TOX: variants seen among roughly 807,000 people sequenced by gnomAD.
TOX encodes the protein thymocyte selection-associated high mobility group box protein TOX.
In TOX, 11 loss-of-function variants were observed where a neutral mutation model predicts 53.7. The observed-to-expected ratio is 0.20, with a 90% CI of 0.13 to 0.34. The LOEUF is 0.34. TOX is among the 10% of genes least tolerant of loss of function. The pLI is 1.00. For missense variants in TOX, 570 were observed against 664.6 expected (o/e 0.86, Z 1.56); for synonymous variants, 225 against 245.3 (o/e 0.92, Z 0.77).
At chr8:58,869,881 TG>T (rs1315539738) in intron 3 of TOX, among the ~76,000 whole-genome samples, 2 of 150,934 alleles carry the variant, frequency 1.3e-5, no homozygotes, top group Admixed American at 1.3e-4. Flanking sequence ...ACACCATGCA[TG>T]AAAAAAAAAA....
rs1296154688 is a variant in TOX at position 59,080,800 on chromosome 8, T to C, written c.102+38086A>G. Among the ~76,000 whole-genome samples, 7 of 152,248 alleles carry C rather than the reference T, an allele frequency of 4.6e-5. No homozygotes were observed. In the East Asian group the frequency reaches 1.4e-3, roughly 29 times the overall value. On this transcript the variant is annotated intron_variant, in intron 1 of 8. Transcript: ENST00000361421. ...ACCATTTTGCCCTCCACCATGATTG[T>C]AAGCTTCCTGAGGTCCCTACCAGGC...
At chr8:59,044,972 G>A (rs1803658547) in intron 1 of TOX, among the ~76,000 whole-genome samples, 1 of 152,230 alleles carries the variant, frequency 6.6e-6, no homozygotes, top group Admixed American at 6.5e-5. Context: ...TTAGGGCACT[G>A]AGGCTATCAT....
intron 1 of TOX, among the ~76,000 whole-genome samples, chr8:58,995,260 T>G (rs1245903117): frequency 6.6e-6 from 1 of 152,212 alleles, no homozygotes; most frequent in African/African-American, 2.4e-5. Context: ...GGTTTTTTTG[T>G]TTTGTATTTC....
chr8:58,850,240 A>G (rs1336229290), intron 4 of TOX, among the ~76,000 whole-genome samples: 1 of 152,140 alleles, frequency 6.6e-6, no homozygotes, highest in Non-Finnish European at 1.5e-5. Flanking sequence ...GGAAATGATG[A>G]TTGTGAGGAA....
chr8:59,077,790 C>G (rs1804317728), intron 1 of TOX, among the ~76,000 whole-genome samples: 1 of 152,034 alleles, frequency 6.6e-6, no homozygotes, highest in African/African-American at 2.4e-5. Flanking sequence ...AGAAAATGTG[C>G]TATTAAAAAA....
chr8:58,816,248 CT>C (rs2129164734), intron 6 of TOX, among the ~76,000 whole-genome samples: 1 of 152,206 alleles, frequency 6.6e-6, no homozygotes, highest in African/African-American at 2.4e-5. Context: ...TCTAAAATAC[CT>C]TTCTGAAGTC....
chr8:58,855,445 C>G (rs149536204), intron 3 of TOX, among the ~76,000 whole-genome samples: 182 of 152,256 alleles, frequency 1.2e-3, no homozygotes, highest in African/African-American at 4.2e-3. Context: ...CACCTCTACT[C>G]AAAATGTTGC....
At chr8:58,904,292 G>A (rs1161818487) in intron 3 of TOX, among the ~76,000 whole-genome samples, 1 of 150,772 alleles carries the variant, frequency 6.6e-6, no homozygotes, top group African/African-American at 2.5e-5. Flanking sequence ...CACTGTGATT[G>A]TAGACGACAT....
At chr8:59,036,894 G>A (rs139815993) in intron 1 of TOX, among the ~76,000 whole-genome samples, 5 of 152,256 alleles carry the variant, frequency 3.3e-5, no homozygotes, top group South Asian at 4.1e-4. Context: ...CATAGACCCC[G>A]TGTGTGTCTA....
chr8:58,944,016 G>A lies in TOX; in HGVS notation c.169-4472C>T, dbSNP rs183831906. Among the ~76,000 whole-genome samples the A allele has an allele frequency of 1.6e-3, 242 of 152,280 alleles. 1 individual carries two copies. Among genetic ancestry groups the A allele is most frequent in the Middle Eastern group, 6.8e-3 (2 of 294 alleles). On this transcript the variant is annotated intron_variant, in intron 2 of 8. Coordinates refer to ENST00000361421, the MANE Select transcript of TOX (RefSeq NM_014729.3). Reference sequence around the variant, plus strand: ...CAGAGTGATTTGTTCTAAACCAGAGGCAGTCTAAATGATGCACATGATTCA... The same window carrying A: ...CAGAGTGATTTGTTCTAAACCAGAGACAGTCTAAATGATGCACATGATTCA...
At chr8:59,077,627 C>A (rs1295453178) in intron 1 of TOX, among the ~76,000 whole-genome samples, 4 of 152,164 alleles carry the variant, frequency 2.6e-5, no homozygotes, top group Non-Finnish European at 5.9e-5. Flanking sequence ...CAATCCCCTC[C>A]TGGTGGGAGT....
At chr8:58,828,792 C>A (rs1810405151) in intron 5 of TOX, among the ~76,000 whole-genome samples, 2 of 152,052 alleles carry the variant, frequency 1.3e-5, no homozygotes, top group South Asian at 4.1e-4. Context: ...TAATTAATGA[C>A]CTTAAACTGA....
intron 3 of TOX, among the ~76,000 whole-genome samples, chr8:58,914,491 T>G (rs1034673792): frequency 8.5e-5 from 13 of 152,194 alleles, no homozygotes; most frequent in Non-Finnish European, 1.9e-4. Context: ...GGGGTATTTT[T>G]GCCTTCCAGA....
At chr8:58,883,493 G>A (rs975667430) in intron 3 of TOX, among the ~76,000 whole-genome samples, 2 of 152,128 alleles carry the variant, frequency 1.3e-5, no homozygotes, top group Non-Finnish European at 2.9e-5. Flanking sequence ...ATGCTACAAC[G>A]AAACTTCATG....
In TOX at chr8:58,851,518, T is replaced by G. The variant is rs952048392; in HGVS notation, c.693+6A>C. The G allele has an allele frequency of 1.9e-6, 3 of 1,612,022 alleles. No homozygotes were observed. In the Admixed American group the frequency reaches 5.0e-5, roughly 27 times the overall value. ...CCCATAGGTCCTAAAAATAACTTAT[T>G]CATACCTTAGAGGTATCATCGCCTT... On this transcript the variant is annotated splice_donor_region_variant and intron_variant, in intron 4 of 8. Transcript: ENST00000361421. This position sits in a 1 kb window ranked among gnomAD's most constrained non-coding sequence, Gnocchi z 4.4.
At chr8:58,942,245 T>G (rs1032810155) in intron 2 of TOX, among the ~76,000 whole-genome samples, 2 of 152,156 alleles carry the variant, frequency 1.3e-5, no homozygotes, top group African/African-American at 2.4e-5. Flanking sequence ...AATTCTTAAT[T>G]TGTGGTGTTT....
chr8:59,049,155 C>T (rs1803743429), intron 1 of TOX, among the ~76,000 whole-genome samples: 1 of 152,014 alleles, frequency 6.6e-6, no homozygotes, highest in African/African-American at 2.4e-5. Flanking sequence ...ACGCTTAAAA[C>T]ATCTGAACTA....
intron 1 of TOX, among the ~76,000 whole-genome samples, chr8:59,103,038 G>C (rs73256384): frequency 0.012 from 1,891 of 152,216 alleles, 52 homozygotes; most frequent in African/African-American, 0.043. Flanking sequence ...AACATCATCA[G>C]TTTCTGCAAA....
chr8:58,811,573 G>A (rs923852683), intron 7 of TOX, among the ~76,000 whole-genome samples: 1 of 152,108 alleles, frequency 6.6e-6, no homozygotes, highest in Admixed American at 6.5e-5. Context: ...AGGCATCAAT[G>A]TTTTTGTCTT....
Sources: allele counts gnomAD v4.1 joint callset (sites outside exome capture counted in the v4.1 genomes callset), GRCh38; gene constraint gnomAD v4.1.1; non-coding constraint Gnocchi (gnomAD v3.1); transcripts MANE v1.5; gene names NCBI Gene and HGNC (gene_info 2026-07-23, HGNC 2026-07-21).